The following FLNB variants were observed in gnomAD, a reference collection of about 807,000 sequenced individuals.
FLNB encodes filamin B.
A neutral mutation model predicts 250.6 loss-of-function variants in FLNB; 111 were observed. The observed-to-expected ratio is 0.44, with a 90% confidence interval of 0.38 to 0.52. The LOEUF is 0.52. FLNB is among the 20% of genes least tolerant of loss of function. FLNB has a pLI of 0.00. For synonymous variants in FLNB, 1,302 were observed against 1,372.1 expected (o/e 0.95, Z 1.13); for missense variants, 2,869 against 3,447.8 (o/e 0.83, Z 4.20).
intron 8 of FLNB, among the ~76,000 whole-genome samples, chr3:58,101,364 C>T (rs1358855530): frequency 6.6e-6 from 1 of 152,164 alleles, no homozygotes. Flanking sequence ...ACTAGTCTCC[C>T]GTTTCTATTT....
intron 39 of FLNB, 91 bp from the exon 40 acceptor site, chr3:58,154,700 G>A (rs1469689056): frequency 1.1e-5 from 16 of 1,393,166 alleles, no homozygotes; most frequent in East Asian, 2.3e-5. Context: ...AGCAACAGAC[G>A]AAACCTAGCA....
At position 58,084,894 on chromosome 3, in the gene FLNB, G is replaced by A. The variant is rs529175579; in HGVS notation, c.787+3118G>A. On this transcript the variant is annotated intron_variant, in intron 4 of 45. Coordinates refer to ENST00000295956, the MANE Select transcript of FLNB (RefSeq NM_001457.4). ...GTACCTCCTAGAAGTGGAATCATAC[G>A]CTGTCTGTTAGGTACCTCCTAGAAG... Among the ~76,000 whole-genome samples the A allele has an allele frequency of 2.6e-5, 4 of 152,080 alleles. No individual in the cohort carries two copies. In the East Asian group the frequency reaches 5.8e-4, roughly 22 times the overall value.
chr3:58,032,465 A>G (rs2097132385), intron 1 of FLNB, among the ~76,000 whole-genome samples: 1 of 152,224 alleles, frequency 6.6e-6, no homozygotes, highest in African/African-American at 2.4e-5. Context: ...AGAGGGCTTC[A>G]GAAGCTTGCC....
At position 58,106,808 on chromosome 3, in the gene FLNB, G is replaced by T. The variant is rs762150314; in HGVS notation, c.1876G>T (p.Asp626Tyr). 37 of 1,614,158 alleles carry T rather than the reference G, an allele frequency of 2.3e-5. No homozygotes were observed. Among genetic ancestry groups the T allele is most frequent in the Non-Finnish European group, 3.0e-5 (35 of 1,180,020 alleles). The part of the protein sequence containing the change: ...YAVHIMCDDE[D>Y]IKDSPYMAFI... Reference sequence around the variant, plus strand: ...TGTTCACATCATGTGTGACGACGAAGACATCAAGGACAGCCCGTACATGGC... The same window carrying T: ...TGTTCACATCATGTGTGACGACGAATACATCAAGGACAGCCCGTACATGGC... Residue 626 changes from aspartate to tyrosine, a missense_variant, in exon 12 of 46, where the codon GAC becomes TAC. Physicochemically the swap from Asp to Tyr is radical, Grantham distance 160 (BLOSUM62 -3). Transcript: ENST00000295956.
intron 4 of FLNB, among the ~76,000 whole-genome samples, chr3:58,087,493 GC>G (rs2097219093): frequency 1.3e-5 from 2 of 151,668 alleles, no homozygotes; most frequent in South Asian, 4.2e-4. Context: ...TCACTCTGTC[GC>G]CCAGGCTGGA....
intron 1 of FLNB, among the ~76,000 whole-genome samples, chr3:58,070,131 C>T (rs1314149386): frequency 4.6e-5 from 7 of 150,608 alleles, no homozygotes; most frequent in East Asian, 1.9e-4. Flanking sequence ...TCACTGCAAC[C>T]GCGCCTCCTG....
chr3:58,150,706 TG>T (rs1225946269), intron 38 of FLNB: 1 of 206,726 alleles, frequency 4.8e-6, no homozygotes, highest in Non-Finnish European at 9.9e-6. Context: ...TTGTTCTTCT[TG>T]GGCCCCGATT....
In FLNB at chr3:58,147,010, T is replaced by A. The variant is rs1374482257; in HGVS notation, c.5728+17T>A. On this transcript the variant is annotated intron_variant, in intron 34 of 45. Coordinates refer to ENST00000295956, the MANE Select transcript of FLNB (RefSeq NM_001457.4). ...AGATCACAGGTAGGGTTGTCTGGCT[T>A]CTGGGGTCTTCCTCGTGGGAAGTAT... 6.2e-7 allele frequency: 1 copy of A among 1,613,268 alleles called. No homozygotes were observed. The highest frequency in any genetic ancestry group is 8.5e-7 in the Non-Finnish European group (1 of 1,179,912).
chr3:58,163,498 GGTTTGACCCAC>G, intron 43 of FLNB, 168 bp downstream of exon 43: 1 of 655,822 alleles, frequency 1.5e-6, no homozygotes, highest in Non-Finnish European at 2.7e-6. Flanking sequence ...TGGGAGTTGC[GGTTTGACCCAC>G]GATAAATCCA....
intron 29 of FLNB, among the ~76,000 whole-genome samples, chr3:58,139,825 A>G (rs2097323536): frequency 6.6e-6 from 1 of 152,160 alleles, no homozygotes; most frequent in South Asian, 2.1e-4. Flanking sequence ...CCAAGCACTG[A>G]GCAGTGGTCA....
At chr3:58,153,275 G>A in intron 38 of FLNB, 100 bp from the exon 39 acceptor site, 2 of 1,393,982 alleles carry the variant, frequency 1.4e-6, no homozygotes, top group Middle Eastern at 1.9e-4. Context: ...CCACCGGGCT[G>A]CACACACCTT....
intron 1 of FLNB, among the ~76,000 whole-genome samples, chr3:58,075,391 G>A (rs1406646368): frequency 1.3e-5 from 2 of 152,186 alleles, no homozygotes; most frequent in African/African-American, 2.4e-5. Context: ...CAGGAGGATG[G>A]GTGAAGGTCT....
intron 1 of FLNB, among the ~76,000 whole-genome samples, chr3:58,050,284 T>C (rs566249410): frequency 6.6e-6 from 1 of 152,256 alleles, no homozygotes; most frequent in South Asian, 2.1e-4. Flanking sequence ...CGCCTCGGCC[T>C]CCCAAAGTGC....
At chr3:58,112,108 C>T (rs796409238) in intron 17 of FLNB, 41 bp from the exon 18 acceptor site, 5 of 1,599,452 alleles carry the variant, frequency 3.1e-6, no homozygotes, top group Non-Finnish European at 4.3e-6. Context: ...TGAAACTACT[C>T]CAGCTGGTCT....
At chr3:58,065,546 A>G (rs956323251) in intron 1 of FLNB, among the ~76,000 whole-genome samples, 3 of 152,204 alleles carry the variant, frequency 2.0e-5, no homozygotes, top group African/African-American at 7.2e-5. Flanking sequence ...CCACCCTCAC[A>G]GGGTCATTGT....
In FLNB at chr3:58,008,570, G is replaced by A. The variant is rs111284847; in HGVS notation, c.6G>A (p.Pro2=). M[P]VTEKDLAEDA... ...GCGCTCTCCCCGCCACCAGGATGCC[G>A]GTAACCGAGAAGGATCTAGCTGAGG... The change falls in exon 1 of 46, where the codon CCG becomes CCA. Residue 2 remains proline, a synonymous_variant. Coordinates refer to ENST00000295956, the MANE Select transcript of FLNB (RefSeq NM_001457.4). 8.2e-6 allele frequency: 13 copies of A among 1,592,540 alleles called. No individual in the cohort carries two copies. The African/African-American group carries it at 9.4e-5, about 12-fold the overall frequency.
At chr3:58,068,276 G>A (rs1310424368) in intron 1 of FLNB, among the ~76,000 whole-genome samples, 2 of 152,256 alleles carry the variant, frequency 1.3e-5, no homozygotes, top group African/African-American at 2.4e-5. Context: ...AGTCTGCCTT[G>A]TTGGCATGCA....
chr3:58,070,000 T>C (rs973816597), intron 1 of FLNB, among the ~76,000 whole-genome samples: 1 of 151,792 alleles, frequency 6.6e-6, no homozygotes, highest in African/African-American at 2.4e-5. Context: ...GGAGGGAACA[T>C]TATTAAGCGG....
intron 1 of FLNB, among the ~76,000 whole-genome samples, chr3:58,070,441 T>C (rs2106920642): frequency 6.6e-6 from 1 of 152,262 alleles, no homozygotes; most frequent in South Asian, 2.1e-4. Flanking sequence ...AAAATAAGGT[T>C]CAGAGATGGA....
Sources: allele counts gnomAD v4.1 joint callset (sites outside exome capture counted in the v4.1 genomes callset), GRCh38; gene constraint gnomAD v4.1.1; transcripts MANE v1.5; gene names NCBI Gene and HGNC (gene_info 2026-07-23, HGNC 2026-07-21).